Variants in CTDSPL2 observed in about 807,000 individuals in gnomAD.
CTDSPL2 encodes CTD small phosphatase like 2.
A neutral mutation model predicts 60.0 loss-of-function variants in CTDSPL2; 5 were observed. The observed-to-expected ratio is 0.08, with a 90% CI of 0.04 to 0.18. The LOEUF is 0.18. CTDSPL2 is among the 10% of genes least tolerant of loss of function. The pLI is 1.00. For missense variants in CTDSPL2, 370 were observed against 548.8 expected (o/e 0.67, Z 3.26); for synonymous variants, 186 against 189.3 (o/e 0.98, Z 0.14).
rs1425964073 is a variant in CTDSPL2, at chr15:44,485,858, CAAGTT to C, written c.326-690_326-686del. Among the ~76,000 whole-genome samples the C allele has an allele frequency of 9.7e-4, 148 of 152,098 alleles. 3 individuals are homozygous for C. The highest frequency in any genetic ancestry group is 1.3e-4 in the Non-Finnish European group (9 of 67,968). On this transcript the variant is annotated intron_variant, in intron 3 of 12. Transcript: ENST00000260327. Reference sequence around the variant, plus strand: ...AAGGGGGACAAAATAGAGAAAGAAACAAGTTAAAAGAACCATAGCAAAGAAGGAAA... The same window carrying C: ...AAGGGGGACAAAATAGAGAAAGAAACAAAAGAACCATAGCAAAGAAGGAAA...
At position 44,527,829 on chromosome 15, in the gene CTDSPL2, T is replaced by C. The variant is rs1047435547; in HGVS notation, c.*3655T>C. 6.6e-6 allele frequency: 1 copy of C among 152,230 alleles called. No individual in the cohort carries two copies. Among genetic ancestry groups the C allele is most frequent in the Non-Finnish European group, 1.5e-5 (1 of 68,018 alleles). The allele number at this position is 152,230 out of a possible 1,614,324, so 9.4% of individuals were successfully genotyped here. A position where few individuals can be genotyped will look rare whatever the true frequency, so the allele number is the denominator to read the frequency against. On this transcript the variant is annotated 3_prime_UTR_variant, in exon 13 of 13. Coordinates refer to ENST00000260327, the MANE Select transcript of CTDSPL2 (RefSeq NM_016396.3). ...CAAAAGGCCTTAGGGTTGTCATTCATTGACTTTCTTATTCCTCTCATGAGC... is the reference window on the plus strand; with the variant it reads ...CAAAAGGCCTTAGGGTTGTCATTCACTGACTTTCTTATTCCTCTCATGAGC...
Position 44,478,417 on chromosome 15 carries a change from A to C in CTDSPL2, c.187-5807A>C, listed in dbSNP as rs182570465. ...CAGTGAGCTGAGATTGCACCACTGC[A>C]CTTCAGCCTGGGCAAGAAGAGCAAG... is the stretch of plus-strand genomic sequence containing the variant. On this transcript the variant is annotated intron_variant, in intron 2 of 12. Transcript: ENST00000260327. Among the ~76,000 whole-genome samples the C allele has an allele frequency of 2.2e-3, 277 of 126,890 alleles. 1 individual carries two copies. Among genetic ancestry groups the C allele is most frequent in the African/African-American group, 7.8e-3 (262 of 33,626 alleles). 83.2% of individuals were successfully genotyped at this position (126,890 alleles called of 152,430 possible). A position where few individuals can be genotyped will look rare whatever the true frequency, so the allele number is the denominator to read the frequency against.
At chr15:44,496,956 G>T in intron 6 of CTDSPL2, 71 bp from the exon 7 acceptor site, 1 of 786,356 alleles carries the variant, frequency 1.3e-6, no homozygotes. Flanking sequence ...TTTTTAAATG[G>T]GCTGAGCTTA....
intron 1 of CTDSPL2, among the ~76,000 whole-genome samples, chr15:44,456,327 T>G (rs1227268951): frequency 1.3e-5 from 2 of 152,238 alleles, no homozygotes; most frequent in Non-Finnish European, 2.9e-5. Flanking sequence ...TACCAGCTCC[T>G]ACTTGTACCT....
intron 2 of CTDSPL2, among the ~76,000 whole-genome samples, chr15:44,472,519 TTTA>T (rs1027577513): frequency 2.0e-5 from 3 of 152,182 alleles, no homozygotes; most frequent in South Asian, 2.1e-4. Context: ...TTGTATTATT[TTTA>T]TTATTGAATT....
At chr15:44,522,035 C>A (rs1051440643) in intron 12 of CTDSPL2, among the ~76,000 whole-genome samples, 3 of 148,312 alleles carry the variant, frequency 2.0e-5, no homozygotes, top group Non-Finnish European at 4.5e-5. Context: ...AGATTATGTG[C>A]ATTTTCAAAC....
At chr15:44,472,462 C>T (rs1370125367) in intron 2 of CTDSPL2, among the ~76,000 whole-genome samples, 1 of 151,116 alleles carries the variant, frequency 6.6e-6, no homozygotes, top group Non-Finnish European at 1.5e-5. Flanking sequence ...TTTTTATGTG[C>T]TTCTTGGCCA....
intron 8 of CTDSPL2, among the ~76,000 whole-genome samples, chr15:44,511,916 G>A (rs1042430304): frequency 2.7e-5 from 4 of 149,562 alleles, no homozygotes; most frequent in South Asian, 2.1e-4. Flanking sequence ...TTAGTCGGGT[G>A]TGATGGGTCA....
intron 8 of CTDSPL2, among the ~76,000 whole-genome samples, chr15:44,507,791 A>G (rs1453904086): frequency 6.6e-6 from 1 of 152,228 alleles, no homozygotes; most frequent in Non-Finnish European, 1.5e-5. Context: ...TACTCACTCC[A>G]GCTCTTCTTG....
intron 1 of CTDSPL2, among the ~76,000 whole-genome samples, chr15:44,434,886 G>A (rs1007250325): frequency 6.6e-6 from 1 of 152,130 alleles, no homozygotes; most frequent in African/African-American, 2.4e-5. Context: ...AAATGGAAAA[G>A]CAGAGAAGAC....
chr15:44,460,159 G>A (rs1161352129), intron 2 of CTDSPL2, among the ~76,000 whole-genome samples: 2 of 152,094 alleles, frequency 1.3e-5, no homozygotes, highest in Non-Finnish European at 2.9e-5. Context: ...TCTCCAGGCT[G>A]GAGTGCAGTG....
intron 1 of CTDSPL2, among the ~76,000 whole-genome samples, chr15:44,433,029 C>T (rs2079892720): frequency 6.6e-6 from 1 of 151,898 alleles, no homozygotes. Flanking sequence ...TAAAACAACA[C>T]AACAGGCTGG....
chr15:44,484,473 G>A (rs776489464), intron 3 of CTDSPL2, 111 bp downstream of exon 3: 2 of 1,018,570 alleles, frequency 2.0e-6, no homozygotes, highest in African/African-American at 1.6e-5. Flanking sequence ...AGTGGCTCAT[G>A]CCTGTAATCC....
chr15:44,469,159 T>C (rs552191002), intron 2 of CTDSPL2, among the ~76,000 whole-genome samples: 34 of 152,302 alleles, frequency 2.2e-4, no homozygotes, highest in African/African-American at 7.5e-4. Context: ...AAACAGTATA[T>C]GTAGTGTTTG....
At chr15:44,437,105 G>T (rs1387828851) in intron 1 of CTDSPL2, among the ~76,000 whole-genome samples, 1 of 152,178 alleles carries the variant, frequency 6.6e-6, no homozygotes, top group African/African-American at 2.4e-5. Flanking sequence ...GTCACATTAA[G>T]TCGGGGTGGA....
At chr15:44,519,617 T>A (rs898798491) in intron 11 of CTDSPL2, 4 of 187,362 alleles carry the variant, frequency 2.1e-5, no homozygotes, top group Non-Finnish European at 3.3e-5. Flanking sequence ...ATAGTTAGTT[T>A]ATGTTCTTCT....
intron 12 of CTDSPL2, 126 bp from the exon 13 acceptor site, chr15:44,523,983 T>G: frequency 1.4e-6 from 1 of 697,458 alleles, no homozygotes; most frequent in South Asian, 1.7e-5. Context: ...GTATCTCTAT[T>G]TGGCAAATAA....
chr15:44,440,903 T>C (rs929772643), intron 1 of CTDSPL2, among the ~76,000 whole-genome samples: 1 of 152,140 alleles, frequency 6.6e-6, no homozygotes, highest in Admixed American at 6.6e-5. Flanking sequence ...TTGCAGAGGG[T>C]ACCTTAAGTG....
In CTDSPL2 at chr15:44,528,646, T is replaced by C. The variant is rs992095823; in HGVS notation, c.*4472T>C. 2 of 152,140 alleles carry C rather than the reference T, an allele frequency of 1.3e-5. No individual in the cohort carries two copies. The highest frequency in any genetic ancestry group is 2.9e-5 in the Non-Finnish European group (2 of 68,018). 9.4% of individuals were successfully genotyped at this position (152,140 alleles called of 1,614,324 possible). Reference sequence around the variant, plus strand: ...TTTAAGGGTTTGCATTTCTAGGACTTGGAATAGTTGACCATATACATAGCT... The same window carrying C: ...TTTAAGGGTTTGCATTTCTAGGACTCGGAATAGTTGACCATATACATAGCT... On this transcript the variant is annotated 3_prime_UTR_variant, in exon 13 of 13. Transcript: ENST00000260327.
Sources: allele counts gnomAD v4.1 joint callset (sites outside exome capture counted in the v4.1 genomes callset), GRCh38; gene constraint gnomAD v4.1.1; transcripts MANE v1.5; gene names NCBI Gene and HGNC (gene_info 2026-07-23, HGNC 2026-07-21).